Variants in FAM120A observed in about 807,000 individuals in gnomAD.
FAM120A encodes the protein constitutive coactivator of PPAR-gamma-like protein 1.
In FAM120A, 15 loss-of-function variants were observed where a neutral mutation model predicts 109.7. The ratio of observed to expected loss-of-function variants is 0.14; its 90% CI spans 0.09 to 0.21. FAM120A has a LOEUF of 0.21. Ranked by LOEUF, FAM120A falls within the 10% of genes least tolerant of loss-of-function variation. FAM120A has a pLI of 1.00. For missense variants in FAM120A, 899 were observed against 1,439.3 expected (o/e 0.62, Z 6.07); for synonymous variants, 493 against 572.8 (o/e 0.86, Z 1.99).
rs1862278850 is a variant in FAM120A, at chr9:93,556,300, T to C, written c.2275-82T>C. On this transcript the variant is annotated intron_variant, in intron 12 of 17. Coordinates refer to ENST00000277165, the MANE Select transcript of FAM120A (RefSeq NM_014612.5). ...TTTGTTGAGGAATATTCTGTTAACTTTGGAGAGTTTTACTAAGACTTTGAA... is the reference window on the plus strand; with the variant it reads ...TTTGTTGAGGAATATTCTGTTAACTCTGGAGAGTTTTACTAAGACTTTGAA... The C allele has an allele frequency of 2.6e-6, 3 of 1,165,132 alleles. No homozygotes were observed. The East Asian group carries it at 7.0e-5, about 27-fold the overall frequency. The allele number at this position is 1,165,132 out of a possible 1,614,324, so 72.2% of individuals were successfully genotyped here. A position where few individuals can be genotyped will look rare whatever the true frequency, so the allele number is the denominator to read the frequency against.
rs1862594538 is a variant in FAM120A at position 93,565,235 on chromosome 9, CAA to C, written c.*696_*697del. ...TGCAAATGACCTTTCAAAATCAACA[CAA>C]TGTGTTCTGAAACTTTCGTGACTAA... On this transcript the variant is annotated 3_prime_UTR_variant, in exon 18 of 18. Coordinates refer to ENST00000277165, the MANE Select transcript of FAM120A (RefSeq NM_014612.5). The C allele has an allele frequency of 6.6e-6, 1 of 152,638 alleles. No homozygotes were observed. The highest frequency in any genetic ancestry group is 1.5e-5 in the Non-Finnish European group (1 of 68,030). 9.5% of individuals were successfully genotyped at this position (152,638 alleles called of 1,614,324 possible). A position where few individuals can be genotyped will look rare whatever the true frequency, so the allele number is the denominator to read the frequency against.
chr9:93,508,241 A>C (rs1860152409), intron 5 of FAM120A, among the ~76,000 whole-genome samples: 1 of 152,182 alleles, frequency 6.6e-6, no homozygotes, highest in Non-Finnish European at 1.5e-5. Context: ...ATGTTGAAAA[A>C]GGTGCTAATC....
chr9:93,475,048 A>G (rs1302029864), intron 2 of FAM120A, among the ~76,000 whole-genome samples: 1 of 152,238 alleles, frequency 6.6e-6, no homozygotes. Context: ...TTTGGAATAC[A>G]GGTGGAGTGT....
At chr9:93,556,191 G>T (rs1435957050) in intron 12 of FAM120A, among the ~76,000 whole-genome samples, 191 bp from the exon 13 acceptor site, 1 of 152,186 alleles carries the variant, frequency 6.6e-6, no homozygotes, top group African/African-American at 2.4e-5. Context: ...ATTCAAATGT[G>T]TTAAATCACA....
intron 11 of FAM120A, among the ~76,000 whole-genome samples, chr9:93,547,666 G>T (rs1861936893): frequency 6.6e-6 from 1 of 152,162 alleles, no homozygotes; most frequent in South Asian, 2.1e-4. Context: ...CTGCTTGATT[G>T]CATGGAAAAG....
At chr9:93,529,721 AAAC>A in intron 9 of FAM120A, 141 bp downstream of exon 9, 1 of 741,778 alleles carries the variant, frequency 1.3e-6, no homozygotes, top group South Asian at 1.5e-5. Flanking sequence ...TCCCCTTTCT[AAAC>A]ATTGAATGAA....
chr9:93,558,519 A>G (rs1862368227), intron 14 of FAM120A, 62 bp from the exon 15 acceptor site: 2 of 1,585,276 alleles, frequency 1.3e-6, no homozygotes, highest in Admixed American at 3.5e-5. Context: ...CTGAATACCC[A>G]GCAGGGCCCT....
rs545628914 is a variant in FAM120A, at chr9:93,566,070, A to C, written c.*1530A>C. 5 of 152,786 alleles carry C rather than the reference A, an allele frequency of 3.3e-5. No homozygotes were observed. Among genetic ancestry groups the C allele is most frequent in the East Asian group, 1.9e-4 (1 of 5,190 alleles). The allele number at this position is 152,786 out of a possible 1,614,324, so 9.5% of individuals were successfully genotyped here. A position where few individuals can be genotyped will look rare whatever the true frequency, so the allele number is the denominator to read the frequency against. Reference sequence around the variant, plus strand: ...GGTGTATCTGAAGGCTATTGAATGCAACTTACAATGCTTAATAAAAATCTT... The same window carrying C: ...GGTGTATCTGAAGGCTATTGAATGCCACTTACAATGCTTAATAAAAATCTT... On this transcript the variant is annotated 3_prime_UTR_variant, in exon 18 of 18. Transcript: ENST00000277165.
At chr9:93,512,995 G>A (rs1339361827) in intron 5 of FAM120A, among the ~76,000 whole-genome samples, 1 of 152,148 alleles carries the variant, frequency 6.6e-6, no homozygotes, top group African/African-American at 2.4e-5. Flanking sequence ...GGATGAAATG[G>A]CCAAAAATCA....
intron 1 of FAM120A, chr9:93,453,217 A>G: frequency 1.0e-6 from 1 of 1,000,760 alleles, no homozygotes; most frequent in South Asian, 4.3e-5. Flanking sequence ...CACAGTAAGT[A>G]TTCAGTGACC....
Position 93,451,831 on chromosome 9 carries a change from G to A in FAM120A, c.-85G>A, listed in dbSNP as rs1487327526. 8.4e-6 allele frequency: 5 copies of A among 598,428 alleles called. No individual in the cohort carries two copies. Among genetic ancestry groups the A allele is most frequent in the Non-Finnish European group, 7.7e-6 (4 of 521,390 alleles). 37.1% of individuals were successfully genotyped at this position (598,428 alleles called of 1,614,324 possible). On this transcript the variant is annotated 5_prime_UTR_variant, in exon 1 of 18. Coordinates refer to ENST00000277165, the MANE Select transcript of FAM120A (RefSeq NM_014612.5). ...CCCCTAGAGGCCGCCGCCCCCGCCC[G>A]CCAGCCCGCCCGCGCGCCACGGCCC...
intron 4 of FAM120A, among the ~76,000 whole-genome samples, chr9:93,497,949 A>G (rs1022318220): frequency 2.0e-5 from 3 of 152,270 alleles, no homozygotes; most frequent in African/African-American, 7.2e-5. Context: ...AACTGTATCA[A>G]GTCAGTCATA....
At chr9:93,471,020 G>T in intron 1 of FAM120A, 121 bp from the exon 2 acceptor site, 3 of 1,194,524 alleles carry the variant, frequency 2.5e-6, no homozygotes, top group Non-Finnish European at 2.4e-6. Flanking sequence ...TTGACTGTTT[G>T]GCTTTCACGG....
At chr9:93,515,318 C>T (rs2131405602) in intron 5 of FAM120A, among the ~76,000 whole-genome samples, 1 of 152,408 alleles carries the variant, frequency 6.6e-6, no homozygotes, top group Non-Finnish European at 1.5e-5. Flanking sequence ...AGGAGCAGCC[C>T]TGAGCAGGGA....
intron 2 of FAM120A, among the ~76,000 whole-genome samples, chr9:93,473,286 C>G (rs1359136633): frequency 6.6e-6 from 1 of 151,842 alleles, no homozygotes; most frequent in Non-Finnish European, 1.5e-5. Flanking sequence ...GCTGGGATTA[C>G]AGGTGTGAGC....
intron 10 of FAM120A, among the ~76,000 whole-genome samples, chr9:93,537,219 TTCAGG>T (rs1861547786): frequency 6.6e-6 from 1 of 152,210 alleles, no homozygotes; most frequent in South Asian, 2.1e-4. Context: ...CTTTTCCTCC[TTCAGG>T]GTGCCTCTTG....
In FAM120A at chr9:93,500,510, C is replaced by T. The variant is rs78436975; in HGVS notation, c.1030+1624C>T. On this transcript the variant is annotated intron_variant, in intron 5 of 17. Transcript: ENST00000277165. This position sits in a 1 kb window ranked among gnomAD's most constrained non-coding sequence, Gnocchi z 4.6. ...CCTTGGCTTCTATTTGTCACCACCACCACCCCTTCCCCCGTCACTCCCCAC... is the reference window on the plus strand; with the variant it reads ...CCTTGGCTTCTATTTGTCACCACCATCACCCCTTCCCCCGTCACTCCCCAC... 0.019 allele frequency among the ~76,000 whole-genome samples: 2,862 copies of T among 152,282 alleles called. 86 individuals are homozygous for T. Among genetic ancestry groups the T allele is most frequent in the African/African-American group, 0.065 (2,691 of 41,540 alleles).
intron 12 of FAM120A, among the ~76,000 whole-genome samples, chr9:93,553,061 G>T (rs960404670): frequency 2.6e-5 from 4 of 152,156 alleles, no homozygotes; most frequent in African/African-American, 9.7e-5. Context: ...TGCTTTCTTC[G>T]TCTGCCATGT....
chr9:93,496,932 A>G (rs2131346849), intron 3 of FAM120A, among the ~76,000 whole-genome samples: 1 of 152,240 alleles, frequency 6.6e-6, no homozygotes, highest in South Asian at 2.1e-4. Flanking sequence ...CAGTGATACC[A>G]TTTTTCTCCA....
Sources: gnomAD v4.1 joint callset for allele counts (sites outside exome capture counted in the v4.1 genomes callset) on GRCh38, gnomAD v4.1.1 for gene constraint, Gnocchi (gnomAD v3.1) non-coding constraint, MANE v1.5 for transcripts, NCBI Gene and HGNC (gene_info 2026-07-23, HGNC 2026-07-21) for gene names.